The following ZNRF3 variants were observed in gnomAD, a reference collection of about 807,000 sequenced individuals.
ZNRF3 encodes the protein zinc and ring finger 3, also known as E3 ubiquitin-protein ligase ZNRF3.
ZNRF3 carries 23 observed loss-of-function variants against 72.5 expected under a neutral mutation model. The ratio of observed to expected loss-of-function variants is 0.32; its 90% CI spans 0.23 to 0.45. The LOEUF (loss-of-function observed/expected upper bound fraction) is 0.45. Among genes scored for constraint, ZNRF3 ranks in the 20% least tolerant of loss-of-function variants. The probability of loss-of-function intolerance (pLI) is 1.00; values close to 1 mark genes in which losing one functional copy is unlikely to be tolerated. For missense variants in ZNRF3, 1,169 were observed against 1,272.1 expected, an observed-to-expected ratio of 0.92 and a Z score of 1.23; for synonymous variants, 610 against 545.3, an observed-to-expected ratio of 1.12 and a Z score of -1.65.
chr22:28,896,584 C>T (rs1175689714), intron 1 of ZNRF3, among the ~76,000 whole-genome samples: 1 of 152,190 alleles, frequency 6.6e-6, no homozygotes, highest in African/African-American at 2.4e-5. Flanking sequence ...TTTCTTTGTA[C>T]CTAATTTGTA....
At chr22:29,012,998 G>T (rs779512374) in intron 2 of ZNRF3, among the ~76,000 whole-genome samples, 12 of 152,168 alleles carry the variant, frequency 7.9e-5, no homozygotes, top group Non-Finnish European at 1.8e-4. Flanking sequence ...TTACTTAAGC[G>T]TATAGATGGT....
At chr22:28,899,450 G>T (rs2034063947) in intron 1 of ZNRF3, among the ~76,000 whole-genome samples, 1 of 152,192 alleles carries the variant, frequency 6.6e-6, no homozygotes, top group Admixed American at 6.5e-5. Flanking sequence ...GTCTCAGCAT[G>T]CCAAGCCCCG....
intron 2 of ZNRF3, among the ~76,000 whole-genome samples, chr22:28,998,348 A>G (rs1013870178): frequency 2.0e-5 from 3 of 152,150 alleles, no homozygotes; most frequent in African/African-American, 7.2e-5. Flanking sequence ...CTCAACAAAT[A>G]TCACTATCAA....
chr22:28,887,268 G>GTA (rs1569234155), intron 1 of ZNRF3, among the ~76,000 whole-genome samples: 13 of 151,014 alleles, frequency 8.6e-5, no homozygotes, highest in Admixed American at 2.6e-4. Flanking sequence ...GTGTGTGTGT[G>GTA]TGTATACATA....
chr22:28,965,962 G>A (rs1183324748), intron 1 of ZNRF3, among the ~76,000 whole-genome samples: 1 of 152,176 alleles, frequency 6.6e-6, no homozygotes, highest in Non-Finnish European at 1.5e-5. Flanking sequence ...TTGATGTATT[G>A]TTACTGTTTT....
chr22:28,981,133 A>G (rs1262865170), intron 1 of ZNRF3, among the ~76,000 whole-genome samples: 1 of 152,238 alleles, frequency 6.6e-6, no homozygotes, highest in Non-Finnish European at 1.5e-5. Context: ...CACAGGTCTT[A>G]TATGTAGTCA....
At chr22:28,960,912 T>C (rs1438336613) in intron 1 of ZNRF3, among the ~76,000 whole-genome samples, 1 of 152,234 alleles carries the variant, frequency 6.6e-6, no homozygotes, top group Non-Finnish European at 1.5e-5. Flanking sequence ...GGCTTCTGCC[T>C]AGTGGCTCAC....
intron 1 of ZNRF3, among the ~76,000 whole-genome samples, chr22:28,899,022 T>G (rs1199370422): frequency 6.6e-6 from 1 of 151,474 alleles, no homozygotes; most frequent in African/African-American, 2.4e-5. Flanking sequence ...ATCTATGATA[T>G]GTTGTATTTC....
At chr22:28,989,801 C>G (rs999801534) in intron 2 of ZNRF3, among the ~76,000 whole-genome samples, 3 of 152,148 alleles carry the variant, frequency 2.0e-5, no homozygotes, top group Admixed American at 6.5e-5. Context: ...TTCACCTACC[C>G]GCGTACTTAC....
chr22:28,953,492 C>G lies in ZNRF3; in HGVS notation c.301-33584C>G, dbSNP rs141464797. 5.7e-3 allele frequency among the ~76,000 whole-genome samples: 866 copies of G among 152,206 alleles called. 7 individuals carry two copies. Among genetic ancestry groups the G allele is most frequent in the African/African-American group, 0.019 (804 of 41,518 alleles). On this transcript the variant is annotated intron_variant, in intron 1 of 8. Coordinates refer to ENST00000544604, the MANE Select transcript of ZNRF3 (RefSeq NM_001206998.2). ...AGGAAAAGAGTGTGCTTGTGTTTCTCCTGTTGACTTCTTTCTCCTCCAAGT... is the reference window on the plus strand; with the variant it reads ...AGGAAAAGAGTGTGCTTGTGTTTCTGCTGTTGACTTCTTTCTCCTCCAAGT...
chr22:28,957,236 G>A (rs73882414), intron 1 of ZNRF3, among the ~76,000 whole-genome samples: 4,723 of 152,198 alleles, frequency 0.031, 255 homozygotes, highest in African/African-American at 0.11. Flanking sequence ...GTTATGAGAT[G>A]AGACTCATAG....
intron 1 of ZNRF3, among the ~76,000 whole-genome samples, chr22:28,906,834 G>T (rs529346591): frequency 6.6e-6 from 1 of 152,106 alleles, no homozygotes; most frequent in Admixed American, 6.6e-5. Context: ...CTTACCCTGC[G>T]CTGGCAGAGC....
At chr22:28,942,807 AT>A (rs1462608275) in intron 1 of ZNRF3, among the ~76,000 whole-genome samples, 4 of 152,150 alleles carry the variant, frequency 2.6e-5, no homozygotes, top group African/African-American at 9.7e-5. Flanking sequence ...CCCTATTTAG[AT>A]TCTGTGAACC....
intron 2 of ZNRF3, among the ~76,000 whole-genome samples, chr22:28,998,121 A>G (rs2036077648): frequency 6.6e-6 from 1 of 151,854 alleles, no homozygotes; most frequent in African/African-American, 2.4e-5. Context: ...CAACATGGTG[A>G]AATCTCGTCT....
intron 2 of ZNRF3, among the ~76,000 whole-genome samples, chr22:29,017,006 GA>G (rs1389342585): frequency 6.6e-6 from 1 of 152,208 alleles, no homozygotes; most frequent in East Asian, 1.9e-4. Context: ...CTTTAGGACA[GA>G]ACCATTGAGT....
intron 1 of ZNRF3, among the ~76,000 whole-genome samples, chr22:28,935,844 C>A (rs2034809409): frequency 1.3e-5 from 2 of 152,130 alleles, no homozygotes; most frequent in African/African-American, 4.8e-5. Flanking sequence ...ACCCGAATTC[C>A]CGACCATCCC....
chr22:29,015,179 T>A (rs1156725040), intron 2 of ZNRF3, among the ~76,000 whole-genome samples: 1 of 152,240 alleles, frequency 6.6e-6, no homozygotes, highest in Non-Finnish European at 1.5e-5. Context: ...TACTTGATTA[T>A]TATGTGACAG....
chr22:28,936,950 G>A (rs1003082852), intron 1 of ZNRF3, among the ~76,000 whole-genome samples: 1 of 151,914 alleles, frequency 6.6e-6, no homozygotes, highest in Non-Finnish European at 1.5e-5. Context: ...GGCATTGAGC[G>A]GCCATCCCAA....
intron 2 of ZNRF3, among the ~76,000 whole-genome samples, chr22:29,020,749 GA>G (rs910588465): frequency 1.3e-5 from 2 of 149,190 alleles, no homozygotes; most frequent in Admixed American, 6.7e-5. Context: ...ATTTCATTGA[GA>G]GGGGCTTTGT....
Sources: gnomAD v4.1 joint callset for allele counts (sites outside exome capture counted in the v4.1 genomes callset) on GRCh38, gnomAD v4.1.1 for gene constraint, MANE v1.5 for transcripts, NCBI Gene and HGNC (gene_info 2026-07-23, HGNC 2026-07-21) for gene names.